PTPRK: variants seen among roughly 807,000 people sequenced by gnomAD.
PTPRK encodes protein tyrosine phosphatase receptor type K.
In PTPRK, 75 loss-of-function variants were observed where a neutral mutation model predicts 178.0. That is an observed-to-expected ratio of 0.42 (90% CI 0.35 to 0.51). PTPRK has a LOEUF of 0.51. PTPRK is among the 20% of genes least tolerant of loss of function. The pLI is 0.02. For synonymous variants in PTPRK, 637 were observed against 620.6 expected (o/e 1.03, Z -0.39); for missense variants, 1,441 against 1,797.8 (o/e 0.80, Z 3.59).
At chr6:128,152,228 A>G (rs1303490212) in intron 7 of PTPRK, among the ~76,000 whole-genome samples, 1 of 152,042 alleles carries the variant, frequency 6.6e-6, no homozygotes, top group Non-Finnish European at 1.5e-5. Flanking sequence ...CTGAGAGTTA[A>G]GAGAATGGTT....
At chr6:128,104,399 T>C (rs569925812) in intron 7 of PTPRK, among the ~76,000 whole-genome samples, 1 of 152,238 alleles carries the variant, frequency 6.6e-6, no homozygotes, top group Admixed American at 6.5e-5. Flanking sequence ...GCTTTTTGTA[T>C]TTTTAGTAGA....
rs569272393 is a variant in PTPRK, at chr6:128,219,556, C to A, written c.694-460G>T. ...GCTGTGTGGCCCTGTTCCTGACAGG[C>A]CACAGACCAGTACCAGTTTGCAGCC... On this transcript the variant is annotated intron_variant, in intron 5 of 29. Transcript: ENST00000368226. Among the ~76,000 whole-genome samples, 4 of 152,316 alleles carry A rather than the reference C, an allele frequency of 2.6e-5. No homozygotes were observed. The East Asian group carries it at 7.7e-4, about 29-fold the overall frequency.
At chr6:128,138,651 T>A (rs780356680) in intron 7 of PTPRK, among the ~76,000 whole-genome samples, 3 of 152,130 alleles carry the variant, frequency 2.0e-5, no homozygotes, top group Non-Finnish European at 2.9e-5. Context: ...CTTGTCTTTA[T>A]TCCTATTTAA....
Position 128,297,191 on chromosome 6 carries a change from T to G in PTPRK, c.495+24848A>C, listed in dbSNP as rs1177642097. On this transcript the variant is annotated intron_variant, in intron 3 of 29. Transcript: ENST00000368226. ...AAGAGCTAACTATCCTAAATATATA[T>G]GCACCCAACACAGGAGCACCCAGAT... Among the ~76,000 whole-genome samples the G allele has an allele frequency of 5.3e-5, 8 of 152,150 alleles. No homozygotes were observed. The East Asian group carries it at 1.5e-3, about 29-fold the overall frequency.
intron 2 of PTPRK, among the ~76,000 whole-genome samples, chr6:128,337,836 T>A (rs1831151781): frequency 6.6e-6 from 1 of 152,138 alleles, no homozygotes; most frequent in Admixed American, 6.6e-5. Context: ...AAAAGTGATG[T>A]CTGAGCTGTG....
intron 1 of PTPRK, among the ~76,000 whole-genome samples, chr6:128,401,046 C>T (rs1020089881): frequency 3.9e-5 from 6 of 152,102 alleles, no homozygotes; most frequent in Non-Finnish European, 4.4e-5. Flanking sequence ...GAAATGGTGA[C>T]CACAGTTCCT....
intron 3 of PTPRK, among the ~76,000 whole-genome samples, chr6:128,304,299 G>T (rs958101026): frequency 6.6e-6 from 1 of 152,046 alleles, no homozygotes. Context: ...TACTGAAGGG[G>T]GTAGCATTTA....
At chr6:128,460,800 T>C (rs1848961838) in intron 1 of PTPRK, among the ~76,000 whole-genome samples, 1 of 152,208 alleles carries the variant, frequency 6.6e-6, no homozygotes, top group African/African-American at 2.4e-5. Flanking sequence ...GTAAGAAACT[T>C]TCATTTCTCC....
intron 6 of PTPRK, among the ~76,000 whole-genome samples, chr6:128,217,464 A>G (rs1006763874): frequency 6.6e-6 from 1 of 152,196 alleles, no homozygotes; most frequent in African/African-American, 2.4e-5. Context: ...TGAGCTCACC[A>G]TTAAGAATCA....
At position 128,078,400 on chromosome 6, in the gene PTPRK, C is replaced by A. The variant is rs187549876; in HGVS notation, c.1883+413G>T. Among the ~76,000 whole-genome samples the A allele has an allele frequency of 2.0e-5, 3 of 152,070 alleles. No homozygotes were observed. The East Asian group carries it at 5.8e-4, about 29-fold the overall frequency. On this transcript the variant is annotated intron_variant, in intron 11 of 29. Coordinates refer to ENST00000368226, the MANE Select transcript of PTPRK (RefSeq NM_002844.4). ...ATGAACCACTTTATTAGCTGCTAAG[C>A]AACCTTCTGGCTCCTTTTTCTTTAA...
chr6:128,444,963 T>C (rs1846746912), intron 1 of PTPRK, among the ~76,000 whole-genome samples: 1 of 152,022 alleles, frequency 6.6e-6, no homozygotes, highest in African/African-American at 2.4e-5. Flanking sequence ...ATATTCCACA[T>C]TTATATACAA....
intron 2 of PTPRK, among the ~76,000 whole-genome samples, chr6:128,382,427 T>TA (rs1838075614): frequency 6.7e-6 from 1 of 150,230 alleles, no homozygotes; most frequent in African/African-American, 2.4e-5. Context: ...TTTTTTTTTT[T>TA]AATAGAGTCT....
chr6:128,415,279 A>G (rs532704090), intron 1 of PTPRK, among the ~76,000 whole-genome samples: 1 of 152,182 alleles, frequency 6.6e-6, no homozygotes, highest in Admixed American at 6.5e-5. Flanking sequence ...GAAAGAAAAA[A>G]ATGTTTTTCT....
Position 128,089,928 on chromosome 6 carries a change from G to C in PTPRK, c.1227C>G (p.Asp409Glu). 1 of 1,611,986 alleles carries C rather than the reference G, an allele frequency of 6.2e-7. No homozygotes were observed. The highest frequency in any genetic ancestry group is 8.5e-7 in the Non-Finnish European group (1 of 1,178,056). ...TAATGTTGTAACCCAAGGATTCCCA[G>C]TCCACAGCAATCCGTCTTGCCTGTA... ...AEIQARRIAV[D>E]WESLGYNITR... Residue 409 changes from aspartate to glutamate, a missense_variant, in exon 8 of 30, where the codon GAC (aspartate) becomes GAG (glutamate). By Grantham distance (45) the Asp-to-Glu change is conservative. Around this residue, in one of 4 missense-constraint regions of PTPRK, gnomAD observed 945 missense variants for 1,080.6 expected, o/e 0.87. Coordinates refer to ENST00000368226, the MANE Select transcript of PTPRK (RefSeq NM_002844.4).
At chr6:128,147,873 G>A (rs1459010921) in intron 7 of PTPRK, among the ~76,000 whole-genome samples, 4 of 152,092 alleles carry the variant, frequency 2.6e-5, no homozygotes, top group African/African-American at 9.7e-5. Context: ...ATAAAGCAAA[G>A]GCTTTTCTGC....
At chr6:128,263,859 C>T (rs1019571990) in intron 3 of PTPRK, among the ~76,000 whole-genome samples, 1 of 152,070 alleles carries the variant, frequency 6.6e-6, no homozygotes, top group African/African-American at 2.4e-5. Flanking sequence ...GTAGAGGTGG[C>T]ACTGGGACTC....
At chr6:128,263,876 C>T (rs1181485861) in intron 3 of PTPRK, among the ~76,000 whole-genome samples, 1 of 152,076 alleles carries the variant, frequency 6.6e-6, no homozygotes, top group Non-Finnish European at 1.5e-5. Flanking sequence ...ACTCTAAGGG[C>T]TTCCCAGGCA....
At chr6:128,352,728 G>T (rs1584312651) in intron 2 of PTPRK, among the ~76,000 whole-genome samples, 1 of 152,188 alleles carries the variant, frequency 6.6e-6, no homozygotes, top group East Asian at 1.9e-4. Flanking sequence ...ATTCTCAAAG[G>T]CTATGAGTTT....
chr6:128,059,870 C>A (rs962424497), intron 13 of PTPRK, among the ~76,000 whole-genome samples: 17 of 152,130 alleles, frequency 1.1e-4, no homozygotes, highest in African/African-American at 3.9e-4. Flanking sequence ...TAGTAATACT[C>A]CATATGCAAA....
Sources: allele counts gnomAD v4.1 joint callset (sites outside exome capture counted in the v4.1 genomes callset), GRCh38; gene constraint gnomAD v4.1.1; regional missense constraint gnomAD v4.1.1; transcripts MANE v1.5; gene names NCBI Gene and HGNC (gene_info 2026-07-23, HGNC 2026-07-21).